The following LRRC7 variants were observed in gnomAD, a reference collection of about 807,000 sequenced individuals.
LRRC7 encodes the protein leucine-rich repeat-containing protein 7.
Under a neutral mutation model 175.7 loss-of-function variants are expected in LRRC7, and 23 were observed. The observed-to-expected ratio is 0.13, with a 90% CI of 0.09 to 0.19. The LOEUF is 0.19. LRRC7 is among the 10% of genes least tolerant of loss of function. LRRC7 has a pLI of 1.00. For synonymous variants in LRRC7, 685 were observed against 680.9 expected, an observed-to-expected ratio of 1.01 and a Z score of -0.09; for missense variants, 1,354 against 1,904.7, an observed-to-expected ratio of 0.71 and a Z score of 5.38.
At chr1:69,687,532 A>AAAAG (rs1553139843) in intron 2 of LRRC7, among the ~76,000 whole-genome samples, 65 of 138,386 alleles carry the variant, frequency 4.7e-4, no homozygotes, top group African/African-American at 1.3e-3. Flanking sequence ...AAAAAAAAAA[A>AAAAG]AAAAAAGAAA....
At chr1:69,870,244 A>G (rs1685385413) in intron 7 of LRRC7, among the ~76,000 whole-genome samples, 1 of 152,128 alleles carries the variant, frequency 6.6e-6, no homozygotes, top group South Asian at 2.1e-4. Flanking sequence ...ATAAATGTCA[A>G]CGTGTGCTAG....
At chr1:70,106,871 C>G (rs1180778674) in intron 25 of LRRC7, among the ~76,000 whole-genome samples, 3 of 152,194 alleles carry the variant, frequency 2.0e-5, no homozygotes. Flanking sequence ...CAGGTATCTT[C>G]TCCTCTTGGA....
chr1:69,960,886 G>GTTT (rs1651003713), intron 8 of LRRC7, among the ~76,000 whole-genome samples: 6 of 152,060 alleles, frequency 3.9e-5, no homozygotes, highest in African/African-American at 1.4e-4. Flanking sequence ...TACTGAAGGG[G>GTTT]CAAAAGCTGG....
intron 22 of LRRC7, among the ~76,000 whole-genome samples, chr1:70,045,008 A>AC (rs1270473951): frequency 6.6e-6 from 1 of 152,036 alleles, no homozygotes; most frequent in Non-Finnish European, 1.5e-5. Flanking sequence ...ATTATGACTC[A>AC]CCCCATCAAA....
chr1:69,717,841 A>AGAAAGAAAGAAGAAAGAAAGGAAAG (rs754934916), intron 2 of LRRC7, among the ~76,000 whole-genome samples: 1 of 19,330 alleles, frequency 5.2e-5, no homozygotes. Context: ...AAAGAAAGAA[A>AGAAAGAAAGAAGAAAGAAAGGAAAG]AAAGAAAGAA....
intron 8 of LRRC7, among the ~76,000 whole-genome samples, chr1:69,947,650 C>T (rs528560099): frequency 1.2e-4 from 18 of 151,944 alleles, no homozygotes; most frequent in African/African-American, 4.3e-4. Flanking sequence ...GTTGCCTTTT[C>T]ATTTCTGTAC....
At chr1:69,568,844 T>G (rs1438612100) in intron 1 of LRRC7, among the ~76,000 whole-genome samples, 1 of 151,996 alleles carries the variant, frequency 6.6e-6, no homozygotes, top group Admixed American at 6.6e-5. Context: ...CATTTGGAAA[T>G]GGGGTGCTAA....
chr1:69,764,872 A>G (rs1671459312), intron 3 of LRRC7, among the ~76,000 whole-genome samples: 1 of 152,072 alleles, frequency 6.6e-6, no homozygotes, highest in African/African-American at 2.4e-5. Context: ...TTATTCTATT[A>G]CAGCTGAAAT....
At chr1:69,600,540 T>G (rs1337910236) in intron 1 of LRRC7, among the ~76,000 whole-genome samples, 2 of 152,188 alleles carry the variant, frequency 1.3e-5, no homozygotes, top group Admixed American at 6.5e-5. Flanking sequence ...ACCATCTATA[T>G]CAGTATGGAC....
chr1:69,653,070 G>C lies in LRRC7; in HGVS notation c.3-25311G>C, dbSNP rs530088988. On this transcript the variant is annotated intron_variant, in intron 1 of 26. Transcript: ENST00000651989. Reference sequence around the variant, plus strand: ...TATTGGATTTGACACCAAAAACAGGGTCAACAAAAGTAAGAATAGACATGT... The same window carrying C: ...TATTGGATTTGACACCAAAAACAGGCTCAACAAAAGTAAGAATAGACATGT... Among the ~76,000 whole-genome samples, 3 of 152,080 alleles carry C rather than the reference G, an allele frequency of 2.0e-5. No homozygotes were observed. In the East Asian group the frequency reaches 5.8e-4, roughly 29 times the overall value.
intron 1 of LRRC7, among the ~76,000 whole-genome samples, chr1:69,597,528 A>T (rs990760429): frequency 2.0e-5 from 3 of 152,162 alleles, no homozygotes; most frequent in African/African-American, 7.2e-5. Flanking sequence ...ATTAAATGAG[A>T]CTGGTCTCAC....
chr1:70,094,979 T>C (rs988318810), intron 25 of LRRC7, among the ~76,000 whole-genome samples: 2 of 152,222 alleles, frequency 1.3e-5, no homozygotes, highest in African/African-American at 2.4e-5. Flanking sequence ...GCATAAGATG[T>C]ATATTTACTA....
intron 1 of LRRC7, among the ~76,000 whole-genome samples, chr1:69,598,723 C>A (rs1240992341): frequency 6.6e-6 from 1 of 152,122 alleles, no homozygotes; most frequent in Non-Finnish European, 1.5e-5. Flanking sequence ...TAAATTTAAC[C>A]ATCACACATT....
intron 20 of LRRC7, 81 bp from the exon 21 acceptor site, chr1:70,038,032 C>A: frequency 6.7e-7 from 1 of 1,486,386 alleles, no homozygotes; most frequent in Non-Finnish European, 9.0e-7. Flanking sequence ...AGGATGATGG[C>A]CCTCTTTGCT....
At chr1:70,048,502 T>C (rs1660505964) in intron 22 of LRRC7, among the ~76,000 whole-genome samples, 2 of 152,158 alleles carry the variant, frequency 1.3e-5, no homozygotes, top group African/African-American at 4.8e-5. Context: ...TACTCTATGA[T>C]GATGCTTTCT....
intron 13 of LRRC7, 147 bp from the exon 14 acceptor site, chr1:70,016,318 A>T: frequency 2.1e-6 from 1 of 476,972 alleles, no homozygotes; most frequent in South Asian, 5.8e-5. Context: ...GGATATTTTC[A>T]TTTTTTTAAA....
intron 2 of LRRC7, among the ~76,000 whole-genome samples, chr1:69,717,850 A>G (rs963030865): frequency 0.041 from 1,163 of 28,620 alleles, 133 homozygotes; most frequent in African/African-American, 0.11. Context: ...AAAAAGAAAG[A>G]AAGGAAAGAA....
intron 2 of LRRC7, among the ~76,000 whole-genome samples, chr1:69,738,000 A>T (rs985546409): frequency 6.6e-6 from 1 of 152,002 alleles, no homozygotes; most frequent in Non-Finnish European, 1.5e-5. Context: ...TGTGGACTCT[A>T]TTGCACTTGT....
chr1:69,804,424 A>G (rs1332209343), intron 4 of LRRC7, among the ~76,000 whole-genome samples: 3 of 151,496 alleles, frequency 2.0e-5, no homozygotes, highest in Non-Finnish European at 3.0e-5. Flanking sequence ...TTCTTGGAAC[A>G]TTAAAAACAC....
Sources: allele counts gnomAD v4.1 joint callset (sites outside exome capture counted in the v4.1 genomes callset), GRCh38; gene constraint gnomAD v4.1.1; transcripts MANE v1.5; gene names NCBI Gene and HGNC (gene_info 2026-07-23, HGNC 2026-07-21).